Variants in AR observed in about 807,000 individuals in gnomAD.
AR encodes the protein androgen receptor, also known as dihydrotestosterone receptor.
Under a neutral mutation model 53.9 loss-of-function variants are expected in AR, and 8 were observed. The observed-to-expected ratio is 0.15, with a 90% CI of 0.09 to 0.27. The LOEUF (loss-of-function observed/expected upper bound fraction) is 0.27, where lower values mean the gene tolerates loss of function less well. AR is among the 10% of genes least tolerant of loss of function. The pLI is 1.00. For synonymous variants in AR, 359 were observed against 316.4 expected, an observed-to-expected ratio of 1.13 and a Z score of -1.43; for missense variants, 639 against 742.5, an observed-to-expected ratio of 0.86 and a Z score of 1.62.
Position 67,724,345 on chromosome X carries a change from A to G in AR, c.*504A>G. The G allele has an allele frequency of 5.8e-6, 1 of 171,273 alleles. No individual in the cohort carries two copies. Among genetic ancestry groups the G allele is most frequent in the Admixed American group, 7.5e-5 (1 of 13,314 alleles). The allele number at this position is 171,273 out of a possible 1,213,427, so 14.1% of individuals were successfully genotyped here. A position where few individuals can be genotyped will look rare whatever the true frequency, so the allele number is the denominator to read the frequency against. Reference sequence around the variant, plus strand: ...CCTTGCTAGTGTTTTTTCCTCAAAAATAAATAAATAAATAAATAAATACGT... The same window carrying G: ...CCTTGCTAGTGTTTTTTCCTCAAAAGTAAATAAATAAATAAATAAATACGT... On this transcript the variant is annotated 3_prime_UTR_variant, in exon 8 of 8. Transcript: ENST00000374690.
chrX:67,658,180 A>C (rs1163959917), intron 2 of AR, among the ~76,000 whole-genome samples: 1 of 111,864 alleles, frequency 8.9e-6, no homozygotes, highest in Admixed American at 9.6e-5. Context: ...TGGAATCACC[A>C]ATATTATATT....
At chrX:67,701,231 T>A (rs1047430003) in intron 3 of AR, among the ~76,000 whole-genome samples, 1 of 111,975 alleles carries the variant, frequency 8.9e-6, no homozygotes, top group African/African-American at 3.2e-5. Context: ...TATTTTATAG[T>A]TTAATAATTA....
chrX:67,636,831 C>G (rs932170848), intron 1 of AR, among the ~76,000 whole-genome samples: 2 of 111,521 alleles, frequency 1.8e-5, no homozygotes, highest in Non-Finnish European at 3.8e-5. Context: ...CTAGTGAGGC[C>G]AGGAGGCACT....
At chrX:67,579,890 A>G (rs1194965824) in intron 1 of AR, among the ~76,000 whole-genome samples, 1 of 111,579 alleles carries the variant, frequency 9.0e-6, no homozygotes, top group Non-Finnish European at 1.9e-5. Flanking sequence ...CTTTTTGCAC[A>G]ACAAAATGGC....
chrX:67,567,508 G>A (rs1921604577), intron 1 of AR, among the ~76,000 whole-genome samples: 1 of 111,287 alleles, frequency 9.0e-6, no homozygotes, highest in Non-Finnish European at 1.9e-5. Flanking sequence ...GTGGGAGATA[G>A]ACATGGGTTC....
chrX:67,636,773 C>A (rs1180034261), intron 1 of AR, among the ~76,000 whole-genome samples: 6 of 111,248 alleles, frequency 5.4e-5, no homozygotes, highest in Non-Finnish European at 1.1e-4. Context: ...GGGAGTGCTA[C>A]CCAAAATATT....
intron 3 of AR, among the ~76,000 whole-genome samples, chrX:67,704,489 G>A (rs373288373): frequency 2.7e-5 from 3 of 111,451 alleles, no homozygotes; most frequent in South Asian, 3.8e-4. Flanking sequence ...TTTTTGATGG[G>A]GTTGTTTGTT....
intron 3 of AR, among the ~76,000 whole-genome samples, chrX:67,701,072 A>C (rs1324079446): frequency 8.9e-6 from 1 of 111,793 alleles, no homozygotes; most frequent in Non-Finnish European, 1.9e-5. Flanking sequence ...GATGATGAAA[A>C]TCTTCTATAT....
intron 1 of AR, among the ~76,000 whole-genome samples, chrX:67,620,507 T>C: frequency 9.0e-6 from 1 of 110,588 alleles, no homozygotes; most frequent in South Asian, 3.9e-4. Flanking sequence ...TCATGTATTG[T>C]CTAATGCATT....
chrX:67,714,716 A>G (rs1287842815), intron 4 of AR, among the ~76,000 whole-genome samples: 3 of 112,373 alleles, frequency 2.7e-5, no homozygotes, highest in Non-Finnish European at 5.6e-5. Flanking sequence ...TTTCTCCAGA[A>G]CAGCCTAACA....
chrX:67,568,787 T>C, intron 1 of AR: 3 of 1,064,211 alleles, frequency 2.8e-6, no homozygotes, highest in Non-Finnish European at 3.7e-6. Flanking sequence ...CACTGTGTAT[T>C]GCAGAATGTT....
chrX:67,626,828 T>C (rs1286210463), intron 1 of AR, among the ~76,000 whole-genome samples: 22 of 83,079 alleles, frequency 2.6e-4, no homozygotes, highest in Non-Finnish European at 4.4e-4. Context: ...CCCCTTCCTC[T>C]GTCCATGTGT....
At chrX:67,638,502 T>G (rs1925570701) in intron 1 of AR, among the ~76,000 whole-genome samples, 1 of 111,913 alleles carries the variant, frequency 8.9e-6, no homozygotes, top group Non-Finnish European at 1.9e-5. Flanking sequence ...CCTGACTTTT[T>G]AATGATCACG....
intron 1 of AR, among the ~76,000 whole-genome samples, chrX:67,615,077 C>A (rs1924052227): frequency 9.1e-6 from 1 of 109,834 alleles, no homozygotes; most frequent in Admixed American, 9.8e-5. Flanking sequence ...ATGAAGAAAA[C>A]TGAAGATTCC....
chrX:67,609,174 T>A (rs1406941135), intron 1 of AR, among the ~76,000 whole-genome samples: 1 of 111,702 alleles, frequency 9.0e-6, no homozygotes, highest in Non-Finnish European at 1.9e-5. Flanking sequence ...TCTTATTTTT[T>A]AAATATTTTA....
chrX:67,691,041 C>T lies in AR; in HGVS notation c.1885+4915C>T, dbSNP rs1416557443. On this transcript the variant is annotated intron_variant, in intron 3 of 7. Transcript: ENST00000374690. ...TTTGAGCATGGGATAGGCATGATGA[C>T]ATTGTGTTTATTTGCATGTTTCTTT... Among the ~76,000 whole-genome samples the T allele has an allele frequency of 2.7e-5, 3 of 112,142 alleles. No individual in the cohort carries two copies. In the East Asian group the frequency reaches 8.5e-4, roughly 32 times the overall value.
chrX:67,688,667 T>C (rs2075979991), intron 3 of AR, among the ~76,000 whole-genome samples: 1 of 111,871 alleles, frequency 8.9e-6, no homozygotes, highest in Admixed American at 9.5e-5. Context: ...GGGAATCATA[T>C]GCTATGTTCA....
rs181866004 is a variant in AR at position 67,618,324 on chromosome X, C to A, written c.1617-24932C>A. 1.1e-3 allele frequency among the ~76,000 whole-genome samples: 128 copies of A among 111,386 alleles called. 1 individual carries two copies. The highest frequency in any genetic ancestry group is 4.1e-3 in the African/African-American group (126 of 30,772). ...TTGAGGGGAAAAAAGAGAAGGTTTT[C>A]TTTGTCTGATATAGTTTAGCAACGT... On this transcript the variant is annotated intron_variant, in intron 1 of 7. Coordinates refer to ENST00000374690, the MANE Select transcript of AR (RefSeq NM_000044.6).
In AR at chrX:67,628,379, A is replaced by G. The variant is rs764538808; in HGVS notation, c.1617-14877A>G. Among the ~76,000 whole-genome samples, 503 of 98,967 alleles carry G rather than the reference A, an allele frequency of 5.1e-3. 1 individual carries two copies. The highest frequency in any genetic ancestry group is 8.0e-3 in the Non-Finnish European group (380 of 47,665). 85.9% of individuals were successfully genotyped at this position (98,967 alleles called of 115,157 possible). On this transcript the variant is annotated intron_variant, in intron 1 of 7. Coordinates refer to ENST00000374690, the MANE Select transcript of AR (RefSeq NM_000044.6). ...TCCCTTGAAAGTTGGATTCCTAGGT[A>G]TTTTATTCTCTTTGAAGCAATTGTG... is the stretch of plus-strand genomic sequence containing the variant.
Sources: gnomAD v4.1 joint callset for allele counts (sites outside exome capture counted in the v4.1 genomes callset) on GRCh38, gnomAD v4.1.1 for gene constraint, MANE v1.5 for transcripts, NCBI Gene and HGNC (gene_info 2026-07-23, HGNC 2026-07-21) for gene names.